FAM171A1: variants seen among roughly 807,000 people sequenced by gnomAD.
FAM171A1 encodes family with sequence similarity 171 member A1.
A neutral mutation model predicts 74.9 loss-of-function variants in FAM171A1; 23 were observed. That is an observed-to-expected ratio of 0.31 (90% CI 0.22 to 0.44). FAM171A1 has a LOEUF of 0.44. FAM171A1 is among the 20% of genes least tolerant of loss of function. The pLI, the probability that FAM171A1 is intolerant of heterozygous loss-of-function variation, is 1.00. For synonymous variants in FAM171A1, 527 were observed against 505.7 expected (o/e 1.04, Z -0.57); for missense variants, 1,162 against 1,159.2 (o/e 1.00, Z -0.03).
chr10:15,317,723 C>T (rs1032326176), intron 1 of FAM171A1, among the ~76,000 whole-genome samples: 1 of 152,220 alleles, frequency 6.6e-6, no homozygotes, highest in African/African-American at 2.4e-5. Context: ...ATACATCTGG[C>T]ATCATGTAAT....
intron 1 of FAM171A1, among the ~76,000 whole-genome samples, chr10:15,318,080 C>CATA (rs1349060435): frequency 6.6e-6 from 1 of 152,198 alleles, no homozygotes; most frequent in Non-Finnish European, 1.5e-5. Context: ...AGGGGTGACC[C>CATA]ATAGCACCTG....
intron 2 of FAM171A1, among the ~76,000 whole-genome samples, chr10:15,277,664 A>G (rs1834911187): frequency 6.6e-6 from 1 of 152,224 alleles, no homozygotes; most frequent in Non-Finnish European, 1.5e-5. Flanking sequence ...CCACTATGAG[A>G]CATGGAAAAG....
chr10:15,367,377 A>G (rs1161535976), intron 1 of FAM171A1, among the ~76,000 whole-genome samples: 3 of 152,252 alleles, frequency 2.0e-5, no homozygotes, highest in Non-Finnish European at 4.4e-5. Context: ...AAAATAATTC[A>G]TGAAGTCATT....
chr10:15,349,686 C>T (rs562213460), intron 1 of FAM171A1, among the ~76,000 whole-genome samples: 3 of 152,128 alleles, frequency 2.0e-5, no homozygotes, highest in Non-Finnish European at 4.4e-5. Flanking sequence ...AACGTGGCAC[C>T]GATCTGGGTG....
chr10:15,212,890 C>T lies in FAM171A1; in HGVS notation c.*25G>A, dbSNP rs1833908939. 6.2e-7 allele frequency: 1 copy of T among 1,606,924 alleles called. No homozygotes were observed. The highest frequency in any genetic ancestry group is 8.5e-7 in the Non-Finnish European group (1 of 1,178,364). On this transcript the variant is annotated 3_prime_UTR_variant, in exon 8 of 8. Transcript: ENST00000378116. ...AAGGATATTTGGCAATTTTATATTC[C>T]ACAGTCAGGTGGGTCTGCGATAGCT... is the stretch of plus-strand genomic sequence containing the variant.
intron 1 of FAM171A1, among the ~76,000 whole-genome samples, chr10:15,284,572 G>A (rs193298287): frequency 6.6e-6 from 1 of 152,264 alleles, no homozygotes; most frequent in Admixed American, 6.5e-5. Context: ...ACAGGTGTGT[G>A]CCACCACACT....
At chr10:15,277,500 A>G (rs1403724404) in intron 2 of FAM171A1, among the ~76,000 whole-genome samples, 1 of 152,224 alleles carries the variant, frequency 6.6e-6, no homozygotes, top group East Asian at 1.9e-4. Context: ...CTAGGATTAC[A>G]GGCATCAGCC....
chr10:15,370,361 T>G (rs1836124463), intron 1 of FAM171A1, among the ~76,000 whole-genome samples: 1 of 149,348 alleles, frequency 6.7e-6, no homozygotes, highest in Admixed American at 6.7e-5. Context: ...AGACGTCAGA[T>G]AGGCAGGGGG....
chr10:15,320,455 A>C (rs1835473843), intron 1 of FAM171A1, among the ~76,000 whole-genome samples: 1 of 152,358 alleles, frequency 6.6e-6, no homozygotes, highest in East Asian at 1.9e-4. Flanking sequence ...TCTTTATGGC[A>C]GAACGATTTA....
In FAM171A1 at chr10:15,230,322, T is replaced by C. The variant is rs543467617; in HGVS notation, c.755-9262A>G. Among the ~76,000 whole-genome samples the C allele has an allele frequency of 9.8e-5, 15 of 152,360 alleles. No individual in the cohort carries two copies. In the East Asian group the frequency reaches 1.5e-3, roughly 16 times the overall value. ...CCATGAAATATGTCAGAAGTAAACA[T>C]TCCTTGTTAATTATATAGCAAAGTA... On this transcript the variant is annotated intron_variant, in intron 5 of 7. Coordinates refer to ENST00000378116, the MANE Select transcript of FAM171A1 (RefSeq NM_001010924.2).
intron 6 of FAM171A1, among the ~76,000 whole-genome samples, chr10:15,216,316 G>A (rs1296927729): frequency 6.6e-6 from 1 of 152,228 alleles, no homozygotes; most frequent in African/African-American, 2.4e-5. Flanking sequence ...AGCTCCCACA[G>A]CCAGGAGAAC....
At chr10:15,367,170 G>A (rs983360298) in intron 1 of FAM171A1, among the ~76,000 whole-genome samples, 9 of 152,132 alleles carry the variant, frequency 5.9e-5, no homozygotes, top group African/African-American at 1.9e-4. Flanking sequence ...CTGCACTCCA[G>A]CCTGGGCGAC....
At chr10:15,302,675 T>G (rs957712879) in intron 1 of FAM171A1, among the ~76,000 whole-genome samples, 5 of 152,144 alleles carry the variant, frequency 3.3e-5, no homozygotes, top group African/African-American at 1.2e-4. Flanking sequence ...ACCTGAAGGG[T>G]TGCAAAGCCA....
intron 1 of FAM171A1, among the ~76,000 whole-genome samples, chr10:15,288,850 CT>C (rs1362984006): frequency 1.0e-5 from 1 of 96,330 alleles, no homozygotes; most frequent in African/African-American, 4.1e-5. Context: ...GAGACAGAGT[CT>C]CATTCTTGTT....
rs1249467991 is a variant in FAM171A1 at position 15,213,468 on chromosome 10, G to A, written c.2120C>T (p.Ala707Val). The A allele has an allele frequency of 7.4e-6, 12 of 1,614,104 alleles. No homozygotes were observed. Among genetic ancestry groups the A allele is most frequent in the African/African-American group, 1.3e-5 (1 of 75,030 alleles). The change falls in exon 8 of 8, where the codon GCG (alanine) becomes GTG (valine). Residue 707 changes from alanine to valine, a missense_variant. By Grantham distance (64) the Ala-to-Val change is moderately conservative. Transcript: ENST00000378116. This position sits in a 1 kb window ranked among gnomAD's most constrained non-coding sequence, Gnocchi z 6.8. ...GGGKPLPHPR[A>V]WFVSLDGRSN... ...CCTGCCATCCAAGGAGACGAACCAC[G>A]CCCGGGGGTGCGGAAGCGGCTTCCC...
intron 6 of FAM171A1, among the ~76,000 whole-genome samples, chr10:15,220,651 G>T (rs1023560552): frequency 1.3e-5 from 2 of 152,064 alleles, no homozygotes; most frequent in African/African-American, 2.4e-5. Flanking sequence ...AGGAGGTCTT[G>T]CTGGTCTCTG....
intron 1 of FAM171A1, among the ~76,000 whole-genome samples, chr10:15,305,572 T>C (rs1389775232): frequency 7.5e-6 from 1 of 133,584 alleles, no homozygotes; most frequent in Non-Finnish European, 1.5e-5. Flanking sequence ...GGGGCTTAGG[T>C]GGGAAAATGG....
At chr10:15,250,151 T>A (rs1834489100) in intron 4 of FAM171A1, among the ~76,000 whole-genome samples, 1 of 152,228 alleles carries the variant, frequency 6.6e-6, no homozygotes, top group African/African-American at 2.4e-5. Flanking sequence ...ACACAGCTAA[T>A]GCCACCCTAC....
At chr10:15,245,335 G>A (rs1468399624) in intron 5 of FAM171A1, among the ~76,000 whole-genome samples, 6 of 152,162 alleles carry the variant, frequency 3.9e-5, no homozygotes, top group African/African-American at 1.4e-4. Flanking sequence ...CCAAAGTGCT[G>A]GTATTACAGG....
Sources: gnomAD v4.1 joint callset for allele counts (sites outside exome capture counted in the v4.1 genomes callset) on GRCh38, gnomAD v4.1.1 for gene constraint, Gnocchi (gnomAD v3.1) non-coding constraint, MANE v1.5 for transcripts, NCBI Gene and HGNC (gene_info 2026-07-23, HGNC 2026-07-21) for gene names.